TAS2R1: variants seen among roughly 807,000 people sequenced by gnomAD.
TAS2R1 encodes taste 2 receptor member 1.
For synonymous variants in TAS2R1, 141 were observed against 134.2 expected (o/e 1.05, Z -0.35); for missense variants, 370 against 353.4 (o/e 1.05, Z -0.38).
the TAS2R1 span, among the ~76,000 whole-genome samples, chr5:9,857,235 C>A: frequency 6.6e-6 from 1 of 151,984 alleles, no homozygotes; most frequent in Non-Finnish European, 1.5e-5. Context: ...TTTGACAGTA[C>A]GGTTGGAGAA....
chr5:9,629,426 T>A lies in TAS2R1; in HGVS notation c.607A>T (p.Arg203Trp), dbSNP rs756487604. ...AVLLLIFSLG[R>W]HTRQMRNTVA... ...GTGTTTCTCATTTGCCGGGTGTGCC[T>A]CCCCAGAGAGAAAATCAAGAGCAAA... Residue 203 changes from arginine (R) to tryptophan (W), a missense_variant, in exon 1 of 1, where the codon AGG becomes TGG. Transcript: ENST00000382492. The A allele has an allele frequency of 1.9e-6, 3 of 1,613,830 alleles. No homozygotes were observed. Among genetic ancestry groups the A allele is most frequent in the Non-Finnish European group, 2.5e-6 (3 of 1,180,028 alleles).
At chr5:9,640,981 C>T (rs974766804) in intron 2 of TAS2R1, among the ~76,000 whole-genome samples, 1 of 152,146 alleles carries the variant, frequency 6.6e-6, no homozygotes, top group Non-Finnish European at 1.5e-5. Context: ...ATTGCCATGA[C>T]ATTTCTGTAC....
chr5:9,839,903 T>G, the TAS2R1 span, among the ~76,000 whole-genome samples: 2 of 152,194 alleles, frequency 1.3e-5, no homozygotes, highest in African/African-American at 4.8e-5. Context: ...TTTTTATATT[T>G]CTAGGGGAAA....
the TAS2R1 span, among the ~76,000 whole-genome samples, chr5:9,726,396 A>G: frequency 0.21 from 32,366 of 152,036 alleles, 3,876 homozygotes; most frequent in African/African-American, 0.33. Context: ...GATGTGGGTG[A>G]GGCCAGATAA....
chr5:9,644,845 C>T (rs1023252792), intron 2 of TAS2R1, among the ~76,000 whole-genome samples: 2 of 152,102 alleles, frequency 1.3e-5, no homozygotes, highest in African/African-American at 4.8e-5. Flanking sequence ...TCAGAGCTTG[C>T]ATTACTGAAA....
chr5:9,803,645 C>A, the TAS2R1 span, among the ~76,000 whole-genome samples: 1 of 152,144 alleles, frequency 6.6e-6, no homozygotes, highest in Admixed American at 6.6e-5. Flanking sequence ...TGAAACTAAG[C>A]TTCATGAATG....
At chr5:9,744,609 A>G in the TAS2R1 span, among the ~76,000 whole-genome samples, 1 of 152,132 alleles carries the variant, frequency 6.6e-6, no homozygotes, top group African/African-American at 2.4e-5. Flanking sequence ...ACATCATTAG[A>G]TTATCAGATC....
chr5:9,673,895 G>T (rs991660100), intron 1 of TAS2R1, among the ~76,000 whole-genome samples: 4 of 152,146 alleles, frequency 2.6e-5, no homozygotes, highest in African/African-American at 9.7e-5. Context: ...CCCTAAATGA[G>T]AGCAGGAAGA....
At chr5:9,749,822 C>G in the TAS2R1 span, among the ~76,000 whole-genome samples, 1 of 152,206 alleles carries the variant, frequency 6.6e-6, no homozygotes, top group Non-Finnish European at 1.5e-5. Flanking sequence ...ATCCAGCAAC[C>G]TTGGAGAACA....
intron 1 of TAS2R1, among the ~76,000 whole-genome samples, chr5:9,675,312 T>A (rs569554731): frequency 6.6e-6 from 1 of 151,446 alleles, no homozygotes. Flanking sequence ...TTTGTAGATA[T>A]CAACAAACTT....
intron 1 of TAS2R1, among the ~76,000 whole-genome samples, chr5:9,673,188 G>T (rs916348779): frequency 6.6e-6 from 1 of 152,026 alleles, no homozygotes; most frequent in Non-Finnish European, 1.5e-5. Flanking sequence ...CTACCTAGTG[G>T]GTACTACTAT....
At chr5:9,734,724 A>T in the TAS2R1 span, among the ~76,000 whole-genome samples, 2 of 152,124 alleles carry the variant, frequency 1.3e-5, no homozygotes, top group African/African-American at 2.4e-5. Context: ...ATAGATGAGA[A>T]ACTAAGACAA....
Position 9,627,378 on chromosome 5 carries a change from T to G in TAS2R1, c.*1755A>C, listed in dbSNP as rs957019284. Among the ~76,000 whole-genome samples the G allele has an allele frequency of 6.6e-6, 1 of 152,226 alleles. No homozygotes were observed. Among genetic ancestry groups the G allele is most frequent in the Non-Finnish European group, 1.5e-5 (1 of 68,044 alleles). On this transcript the variant is annotated 3_prime_UTR_variant, in exon 1 of 1. Coordinates refer to ENST00000382492, the MANE Select transcript of TAS2R1 (RefSeq NM_019599.3). ...TTAGAATTGTTTTATTATGAATTCTTTTTTTAAACATTTCTTGATAACAGT... is the reference window on the plus strand; with the variant it reads ...TTAGAATTGTTTTATTATGAATTCTGTTTTTAAACATTTCTTGATAACAGT...
At chr5:9,643,713 ATGT>A (rs1433417925) in intron 2 of TAS2R1, among the ~76,000 whole-genome samples, 35 of 152,314 alleles carry the variant, frequency 2.3e-4, no homozygotes, top group African/African-American at 7.0e-4. Flanking sequence ...GTTGATGTAA[ATGT>A]TGTTATATGG....
chr5:9,639,016 C>G (rs1387485548), intron 2 of TAS2R1, among the ~76,000 whole-genome samples: 1 of 152,174 alleles, frequency 6.6e-6, no homozygotes. Flanking sequence ...ACTGGGAAAG[C>G]AAGCATGGCT....
chr5:9,739,177 A>C, the TAS2R1 span, among the ~76,000 whole-genome samples: 1 of 152,124 alleles, frequency 6.6e-6, no homozygotes, highest in Non-Finnish European at 1.5e-5. Flanking sequence ...CGTATTCATA[A>C]GGCACCTGCT....
the TAS2R1 span, among the ~76,000 whole-genome samples, chr5:9,828,137 T>C: frequency 1.3e-5 from 2 of 151,944 alleles, no homozygotes; most frequent in African/African-American, 2.4e-5. Context: ...TATTTATTTA[T>C]TTTTTGAGAC....
At chr5:9,717,847 A>C in the TAS2R1 span, among the ~76,000 whole-genome samples, 1 of 152,244 alleles carries the variant, frequency 6.6e-6, no homozygotes, top group East Asian at 1.9e-4. Flanking sequence ...ATATAGTAAA[A>C]GGCTAGGTCT....
the TAS2R1 span, among the ~76,000 whole-genome samples, chr5:9,897,662 T>C: frequency 8.5e-5 from 13 of 152,216 alleles, no homozygotes; most frequent in Non-Finnish European, 1.6e-4. Context: ...TATGAGATCA[T>C]ACATTCCCAT....
Sources: allele counts gnomAD v4.1 joint callset (sites outside exome capture counted in the v4.1 genomes callset), GRCh38; gene constraint gnomAD v4.1.1; transcripts MANE v1.5; gene names NCBI Gene and HGNC (gene_info 2026-07-23, HGNC 2026-07-21).